The following CNTNAP2 variants were observed in gnomAD, a reference collection of about 807,000 sequenced individuals.
CNTNAP2 encodes the protein contactin associated protein 2.
A neutral mutation model predicts 155.2 loss-of-function variants in CNTNAP2; 98 were observed. The ratio of observed to expected loss-of-function variants is 0.63; its 90% confidence interval spans 0.54 to 0.75. CNTNAP2 has a LOEUF of 0.75. Ranked by LOEUF, CNTNAP2 falls within the 30% of genes least tolerant of loss-of-function variation. The pLI is 0.00. For missense variants in CNTNAP2, 1,727 were observed against 1,688.1 expected (o/e 1.02, Z -0.40); for synonymous variants, 651 against 631.2 (o/e 1.03, Z -0.47).
intron 11 of CNTNAP2, among the ~76,000 whole-genome samples, chr7:147,513,403 T>C (rs1799056473): frequency 6.6e-6 from 1 of 152,162 alleles, no homozygotes; most frequent in African/African-American, 2.4e-5. Flanking sequence ...TGAATAAATG[T>C]GTAGGTGGCC....
chr7:147,805,547 C>T (rs951478820), intron 13 of CNTNAP2, among the ~76,000 whole-genome samples: 2 of 152,196 alleles, frequency 1.3e-5, no homozygotes, highest in Non-Finnish European at 2.9e-5. Context: ...CTCAGTATGA[C>T]ATTACCTATG....
intron 10 of CNTNAP2, among the ~76,000 whole-genome samples, chr7:147,477,903 A>C (rs1336956539): frequency 6.6e-6 from 1 of 152,220 alleles, no homozygotes; most frequent in African/African-American, 2.4e-5. Flanking sequence ...TCTCCAAGAA[A>C]ATCCCTAATG....
At chr7:147,306,822 G>A (rs1795038022) in intron 9 of CNTNAP2, among the ~76,000 whole-genome samples, 1 of 152,102 alleles carries the variant, frequency 6.6e-6, no homozygotes, top group Non-Finnish European at 1.5e-5. Context: ...ACCTTGATAT[G>A]CAGCACCATG....
At chr7:147,861,999 C>CAAAAAAAAAAAAAAAAAAAAAAAA (rs57139075) in intron 13 of CNTNAP2, among the ~76,000 whole-genome samples, 2 of 94,976 alleles carry the variant, frequency 2.1e-5, no homozygotes, top group Non-Finnish European at 4.2e-5. Context: ...CTCCATCTCA[C>CAAAAAAAAAAAAAAAAAAAAAAAA]AAAAAAAAAA....
At chr7:147,949,997 G>T (rs927507858) in intron 14 of CNTNAP2, among the ~76,000 whole-genome samples, 2 of 152,154 alleles carry the variant, frequency 1.3e-5, no homozygotes, top group African/African-American at 4.8e-5. Context: ...GAAGCTAAAT[G>T]CAAGTGACAT....
At chr7:147,041,257 T>A (rs189664627) in intron 3 of CNTNAP2, among the ~76,000 whole-genome samples, 37 of 152,352 alleles carry the variant, frequency 2.4e-4, no homozygotes, top group African/African-American at 8.9e-4. Context: ...ATTCCTTGTG[T>A]ATTCCTGAAC....
intron 1 of CNTNAP2, among the ~76,000 whole-genome samples, chr7:146,441,406 A>C (rs1208731930): frequency 6.6e-6 from 1 of 151,450 alleles, no homozygotes; most frequent in Non-Finnish European, 1.5e-5. Context: ...TCCTGAAAGA[A>C]CTGTCTCCCT....
At chr7:147,375,250 A>G (rs1227622643) in intron 9 of CNTNAP2, among the ~76,000 whole-genome samples, 1 of 151,590 alleles carries the variant, frequency 6.6e-6, no homozygotes, top group Non-Finnish European at 1.5e-5. Context: ...AATCCTCATG[A>G]TGATATTATG....
intron 21 of CNTNAP2, among the ~76,000 whole-genome samples, chr7:148,356,438 C>T (rs541411451): frequency 4.6e-5 from 7 of 152,304 alleles, no homozygotes; most frequent in Non-Finnish European, 8.8e-5. Context: ...CTGAGAGTGT[C>T]GTCGTCAAAA....
chr7:148,081,646 T>C (rs930538516), intron 15 of CNTNAP2, among the ~76,000 whole-genome samples: 1 of 151,956 alleles, frequency 6.6e-6, no homozygotes, highest in Non-Finnish European at 1.5e-5. Context: ...AATTTCCATA[T>C]ATATATCTAT....
intron 4 of CNTNAP2, among the ~76,000 whole-genome samples, chr7:147,101,434 TA>T (rs557548347): frequency 1.3e-5 from 2 of 152,170 alleles, no homozygotes; most frequent in Non-Finnish European, 2.9e-5. Context: ...CGGCAGTGTC[TA>T]GGGGTGTTGC....
intron 1 of CNTNAP2, among the ~76,000 whole-genome samples, chr7:146,691,617 G>A (rs1413333250): frequency 1.3e-5 from 2 of 152,086 alleles, no homozygotes; most frequent in African/African-American, 2.4e-5. Flanking sequence ...ATAATCGTAA[G>A]TCAGGGAGGG....
chr7:148,403,668 G>A (rs1340601758), intron 22 of CNTNAP2, among the ~76,000 whole-genome samples: 1 of 152,136 alleles, frequency 6.6e-6, no homozygotes, highest in African/African-American at 2.4e-5. Context: ...CATGTTTCTT[G>A]GTCTCCGTTT....
intron 21 of CNTNAP2, among the ~76,000 whole-genome samples, chr7:148,356,620 T>C (rs1798520731): frequency 6.6e-6 from 1 of 152,226 alleles, no homozygotes; most frequent in Admixed American, 6.5e-5. Context: ...ATTACATTAA[T>C]TCTCCTGATG....
chr7:148,379,928 G>A (rs1487626211), intron 21 of CNTNAP2, among the ~76,000 whole-genome samples: 1 of 152,182 alleles, frequency 6.6e-6, no homozygotes, highest in Non-Finnish European at 1.5e-5. Context: ...AACAAGGAGC[G>A]GGAAAGCATG....
intron 20 of CNTNAP2, among the ~76,000 whole-genome samples, chr7:148,262,149 G>T (rs1300698457): frequency 6.6e-6 from 1 of 152,090 alleles, no homozygotes; most frequent in Non-Finnish European, 1.5e-5. Context: ...GGTGGGGAGG[G>T]TTCAAGGAAG....
At chr7:147,585,446 A>G (rs1281996978) in intron 12 of CNTNAP2, among the ~76,000 whole-genome samples, 1 of 149,448 alleles carries the variant, frequency 6.7e-6, no homozygotes, top group Admixed American at 6.7e-5. Flanking sequence ...TTTACATTGT[A>G]TACAATTATA....
intron 8 of CNTNAP2, among the ~76,000 whole-genome samples, chr7:147,216,032 T>C (rs1803260919): frequency 6.6e-6 from 1 of 152,162 alleles, no homozygotes; most frequent in Non-Finnish European, 1.5e-5. Context: ...AGTTAAGTAA[T>C]TTGTTTTCTT....
intron 1 of CNTNAP2, among the ~76,000 whole-genome samples, chr7:146,286,588 ACTCC>A (rs1800341007): frequency 6.6e-6 from 1 of 152,064 alleles, no homozygotes; most frequent in South Asian, 2.1e-4. Flanking sequence ...TGATTTTGCC[ACTCC>A]CTGTTAAAAA....
Sources: allele counts gnomAD v4.1 joint callset (sites outside exome capture counted in the v4.1 genomes callset), GRCh38; gene constraint gnomAD v4.1.1; transcripts MANE v1.5; gene names NCBI Gene and HGNC (gene_info 2026-07-23, HGNC 2026-07-21).